Variants in BCL7A observed in about 807,000 individuals in gnomAD.
BCL7A encodes BAF chromatin remodeling complex subunit BCL7A, also known as B-cell CLL/lymphoma 7 protein family member A.
BCL7A carries 11 observed loss-of-function variants against 28.4 expected under a neutral mutation model. The ratio of observed to expected loss-of-function variants is 0.39; its 90% CI spans 0.24 to 0.64. The LOEUF is 0.64. Among genes scored for constraint, BCL7A ranks in the 30% least tolerant of loss-of-function variants. The pLI is 0.50. For missense variants in BCL7A, 222 were observed against 274.8 expected, an observed-to-expected ratio of 0.81 and a Z score of 1.36; for synonymous variants, 123 against 103.3, an observed-to-expected ratio of 1.19 and a Z score of -1.15.
chr12:122,053,924 C>T lies in BCL7A; in HGVS notation c.440-881C>T, dbSNP rs367946635. On this transcript the variant is annotated intron_variant, in intron 4 of 5. Coordinates refer to ENST00000261822, the MANE Select transcript of BCL7A (RefSeq NM_001024808.3). ...ATTTGGGAAGAGGAGAAAATTTGTA[C>T]GCATGGAGGGAGGGGAAACTGGAAA... Among the ~76,000 whole-genome samples the T allele has an allele frequency of 1.3e-4, 20 of 152,106 alleles. No individual in the cohort carries two copies. In the East Asian group the frequency reaches 2.7e-3, roughly 21 times the overall value.
chr12:122,025,946 CAAAAA>C (rs1204623444), intron 1 of BCL7A, among the ~76,000 whole-genome samples: 1 of 108,194 alleles, frequency 9.2e-6, no homozygotes, highest in Admixed American at 1.2e-4. Context: ...GACTCCATCT[CAAAAA>C]AAAAAAAAAA....
chr12:122,022,025 G>A lies in BCL7A; in HGVS notation c.-67G>A. ...GTGAGCGGCGGGCGGGCGCGAGTGT[G>A]GCCGCCGCGGAGCGCGAGCAGGACC... On this transcript the variant is annotated 5_prime_UTR_variant, in exon 1 of 6. Coordinates refer to ENST00000261822, the MANE Select transcript of BCL7A (RefSeq NM_001024808.3). 7.0e-7 allele frequency: 1 copy of A among 1,430,290 alleles called. No homozygotes were observed. The allele number at this position is 1,430,290 out of a possible 1,614,324, so 88.6% of individuals were successfully genotyped here. A position where few individuals can be genotyped will look rare whatever the true frequency, so the allele number is the denominator to read the frequency against.
At chr12:122,047,714 C>G (rs563387149) in intron 4 of BCL7A, among the ~76,000 whole-genome samples, 1 of 151,660 alleles carries the variant, frequency 6.6e-6, no homozygotes, top group Non-Finnish European at 1.5e-5. Context: ...TTTGTACAGA[C>G]GGGGTGTTGC....
At chr12:122,028,555 T>C (rs1272649452) in intron 1 of BCL7A, among the ~76,000 whole-genome samples, 1 of 152,194 alleles carries the variant, frequency 6.6e-6, no homozygotes, top group East Asian at 1.9e-4. Context: ...CAGCTTCTGT[T>C]ACCCTGGCGC....
chr12:122,044,136 C>G (rs1427967668), intron 4 of BCL7A, 83 bp downstream of exon 4: 1 of 1,479,204 alleles, frequency 6.8e-7, no homozygotes, highest in Non-Finnish European at 9.1e-7. Flanking sequence ...TTCCAGGAGG[C>G]CCTGTCATGT....
At chr12:122,053,445 T>TA (rs1240739141) in intron 4 of BCL7A, among the ~76,000 whole-genome samples, 1 of 152,178 alleles carries the variant, frequency 6.6e-6, no homozygotes, top group Admixed American at 6.6e-5. Flanking sequence ...TGCTTGCTTT[T>TA]AAACTTAAGC....
chr12:122,054,903 G>A lies in BCL7A; in HGVS notation c.538G>A (p.Ala180Thr), dbSNP rs148056282. ...RQPSGDSGLA[A>T]ETSAISQDLE... ...GCCGTCTGGAGACTCGGGTCTGGCC[G>A]CAGAGACGTCTGCAATCTCTCAGGT... Residue 180 changes from alanine to threonine, a missense_variant, in exon 5 of 6, where the codon GCA becomes ACA. Ala to Thr is a moderately conservative substitution (Grantham distance 58). Around this residue, in one of 2 missense-constraint regions of BCL7A, gnomAD observed 155 missense variants for 145.7 expected, o/e 1.06. Coordinates refer to ENST00000261822, the MANE Select transcript of BCL7A (RefSeq NM_001024808.3). 12 of 1,614,042 alleles carry A rather than the reference G, an allele frequency of 7.4e-6. No individual in the cohort carries two copies. Among genetic ancestry groups the A allele is most frequent in the Admixed American group, 1.7e-5 (1 of 60,006 alleles).
At chr12:122,030,928 G>A (rs902088024) in intron 2 of BCL7A, 147 bp downstream of exon 2, 1 of 770,454 alleles carries the variant, frequency 1.3e-6, no homozygotes, top group Admixed American at 2.3e-5. Flanking sequence ...TTAGACCTGG[G>A]GAGGCTGCTG....
chr12:122,047,595 G>A (rs900636759), intron 4 of BCL7A, among the ~76,000 whole-genome samples: 9 of 151,932 alleles, frequency 5.9e-5, no homozygotes, highest in Non-Finnish European at 8.8e-5. Flanking sequence ...TACAATCTCC[G>A]CTCACTGCAG....
intron 4 of BCL7A, among the ~76,000 whole-genome samples, chr12:122,053,894 C>G (rs1224391803): frequency 2.0e-5 from 3 of 152,072 alleles, no homozygotes; most frequent in Non-Finnish European, 4.4e-5. Context: ...TACCACATGA[C>G]CCCCATTTGG....
At chr12:122,047,549 T>A (rs2135855094) in intron 4 of BCL7A, among the ~76,000 whole-genome samples, 1 of 150,012 alleles carries the variant, frequency 6.7e-6, no homozygotes, top group Non-Finnish European at 1.5e-5. Flanking sequence ...AAAAAAGAAA[T>A]GGGATCTCAC....
chr12:122,046,060 T>TAAAAAAAA (rs776315126), intron 4 of BCL7A, among the ~76,000 whole-genome samples: 1 of 62,868 alleles, frequency 1.6e-5, no homozygotes, highest in Non-Finnish European at 2.8e-5. Flanking sequence ...GAGACCTTGC[T>TAAAAAAAA]AAAAAAAAAA....
At chr12:122,054,725 G>C in intron 4 of BCL7A, 80 bp from the exon 5 acceptor site, 1 of 1,417,824 alleles carries the variant, frequency 7.1e-7, no homozygotes, top group Non-Finnish European at 9.7e-7. Flanking sequence ...CCCGATTCAA[G>C]GTATTTTCAG....
At chr12:122,035,740 C>T (rs1024097052) in intron 3 of BCL7A, among the ~76,000 whole-genome samples, 4 of 152,192 alleles carry the variant, frequency 2.6e-5, no homozygotes, top group Admixed American at 6.5e-5. Flanking sequence ...ATTGTTTGGG[C>T]GTATGTTTCT....
chr12:122,043,944 C>T lies in BCL7A; in HGVS notation c.330C>T (p.Ser110=), dbSNP rs1242912244. Residue 110 remains serine (S), a synonymous_variant, in exon 4 of 6, where the codon AGC becomes AGT. Coordinates refer to ENST00000261822, the MANE Select transcript of BCL7A (RefSeq NM_001024808.3). ...CCTCCCCCATCAAACAGGAGAACAG[C>T]AGCAACTCCAGCCCCGCTCCAGAGC... ...ADASPIKQEN[S]SNSSPAPEPN... 3.1e-6 allele frequency: 5 copies of T among 1,613,810 alleles called. No homozygotes were observed. The African/African-American group carries it at 6.7e-5, about 22-fold the overall frequency.
At position 122,048,052 on chromosome 12, in the gene BCL7A, C is replaced by T. The variant is rs550956573; in HGVS notation, c.439+3999C>T. ...CAGAGTAGCTGGGATTACAGGCATG[C>T]ACCCCCACACCCGGCTAACTTTTTA... On this transcript the variant is annotated intron_variant, in intron 4 of 5. Transcript: ENST00000261822. Among the ~76,000 whole-genome samples the T allele has an allele frequency of 3.3e-5, 5 of 152,024 alleles. No individual in the cohort carries two copies. In the South Asian group the frequency reaches 8.3e-4, roughly 25 times the overall value.
intron 2 of BCL7A, among the ~76,000 whole-genome samples, chr12:122,033,999 T>G (rs976667638): frequency 1.3e-4 from 20 of 151,862 alleles, no homozygotes; most frequent in African/African-American, 4.6e-4. Flanking sequence ...CATCCCTGCA[T>G]GCACCCCCCA....
chr12:122,051,577 C>G lies in BCL7A; in HGVS notation c.440-3228C>G, dbSNP rs1372064461. Among the ~76,000 whole-genome samples, 6 of 152,284 alleles carry G rather than the reference C, an allele frequency of 3.9e-5. No individual in the cohort carries two copies. The South Asian group carries it at 1.2e-3, about 32-fold the overall frequency. On this transcript the variant is annotated intron_variant, in intron 4 of 5. Transcript: ENST00000261822. The stretch of plus-strand genomic sequence containing the variant: ...GGTTCCAAGGCCAGTTCCCACCAAG[C>G]TCTAGGGCCTGGCTCTCAGGAGAGG...
At chr12:122,022,223 CCCCGAG>C in intron 1 of BCL7A, 40 bp downstream of exon 1, 1 of 1,361,272 alleles carries the variant, frequency 7.3e-7, no homozygotes, top group Non-Finnish European at 9.7e-7. Flanking sequence ...TCCCCGGCCG[CCCCGAG>C]CCCGAGCGCG....
Sources: allele counts gnomAD v4.1 joint callset (sites outside exome capture counted in the v4.1 genomes callset), GRCh38; gene constraint gnomAD v4.1.1; regional missense constraint gnomAD v4.1.1; transcripts MANE v1.5; gene names NCBI Gene and HGNC (gene_info 2026-07-23, HGNC 2026-07-21).